The following PPM1H variants were observed in gnomAD, a reference collection of about 807,000 sequenced individuals.
PPM1H encodes protein phosphatase, Mg2+/Mn2+ dependent 1H, also known as protein phosphatase 1H.
PPM1H carries 27 observed loss-of-function variants against 54.9 expected under a neutral mutation model. The ratio of observed to expected loss-of-function variants is 0.49; its 90% CI spans 0.36 to 0.68. The LOEUF (loss-of-function observed/expected upper bound fraction) is 0.68, where lower values mean the gene tolerates loss of function less well. Among genes scored for constraint, PPM1H ranks in the 30% least tolerant of loss-of-function variants. PPM1H has a pLI of 0.00. For missense variants in PPM1H, 596 were observed against 667.8 expected (o/e 0.89, Z 1.19); for synonymous variants, 305 against 270.8 (o/e 1.13, Z -1.24).
At position 62,725,581 on chromosome 12, in the gene PPM1H, A is replaced by G. The variant is rs1344678345; in HGVS notation, c.955-5292T>C. Among the ~76,000 whole-genome samples the G allele has an allele frequency of 3.3e-5, 5 of 152,200 alleles. No individual in the cohort carries two copies. The South Asian group carries it at 1.0e-3, about 31-fold the overall frequency. ...CAAACTTAAGCATAAAAATATACAA[A>G]GTTTACCTATTTCTTTAGGTCTTCA... On this transcript the variant is annotated intron_variant, in intron 5 of 9. Transcript: ENST00000228705.
In PPM1H at chr12:62,797,872, A is replaced by G. The variant is rs551563034; in HGVS notation, c.756+3944T>C. 1.2e-4 allele frequency among the ~76,000 whole-genome samples: 18 copies of G among 152,346 alleles called. No individual in the cohort carries two copies. The South Asian group carries it at 3.7e-3, about 32-fold the overall frequency. ...GCATCTGTGATTAAACAGAAGACTT[A>G]TCATTCCAAAGAAGGTCACATCTGA... On this transcript the variant is annotated intron_variant, in intron 3 of 9. Transcript: ENST00000228705.
chr12:62,699,313 C>T (rs1407544608), intron 6 of PPM1H, among the ~76,000 whole-genome samples: 1 of 152,234 alleles, frequency 6.6e-6, no homozygotes, highest in African/African-American at 2.4e-5. Context: ...TCTCCTGCCT[C>T]AGCATCCCGA....
intron 3 of PPM1H, among the ~76,000 whole-genome samples, chr12:62,798,757 A>T (rs1209671192): frequency 1.3e-5 from 2 of 152,110 alleles, no homozygotes; most frequent in South Asian, 4.1e-4. Context: ...ATGGTGGCTT[A>T]CTGGCTTTGG....
rs934649947 is a variant in PPM1H, at chr12:62,934,403, G to A, written c.245+89C>T. The A allele has an allele frequency of 2.1e-6, 3 of 1,400,024 alleles. No homozygotes were observed. The highest frequency in any genetic ancestry group is 2.8e-6 in the Non-Finnish European group (3 of 1,075,394). 86.7% of individuals were successfully genotyped at this position (1,400,024 alleles called of 1,614,324 possible). On this transcript the variant is annotated intron_variant, in intron 1 of 9. Transcript: ENST00000228705. This position sits in a 1 kb window ranked among gnomAD's most constrained non-coding sequence, Gnocchi z 4.2. Reference sequence around the variant, plus strand: ...CGCCGGCAGCTAGTGAGAGCCCTGAGGCCGAGAAGCAGGGAGAGAAGAGGG... The same window carrying A: ...CGCCGGCAGCTAGTGAGAGCCCTGAAGCCGAGAAGCAGGGAGAGAAGAGGG...
At chr12:62,694,566 A>G (rs1481280690) in intron 6 of PPM1H, among the ~76,000 whole-genome samples, 2 of 152,212 alleles carry the variant, frequency 1.3e-5, no homozygotes, top group Non-Finnish European at 2.9e-5. Flanking sequence ...TTATGCCTCA[A>G]TGGTTTATTC....
Position 62,886,743 on chromosome 12 carries a change from T to G in PPM1H, c.245+47749A>C. On this transcript the variant is annotated intron_variant, in intron 1 of 9. Transcript: ENST00000228705. ...CATCACAGGAATGTCTTTAAATAGT[T>G]GTCACATACAGAATATTTGGGACTT... 1.3e-5 allele frequency among the ~76,000 whole-genome samples: 2 copies of G among 152,240 alleles called. 1 individual carries two copies. The highest frequency in any genetic ancestry group is 1.3e-4 in the Admixed American group (2 of 15,288).
chr12:62,771,010 G>A (rs2076575747), intron 4 of PPM1H, among the ~76,000 whole-genome samples: 1 of 149,354 alleles, frequency 6.7e-6, no homozygotes, highest in African/African-American at 2.5e-5. Flanking sequence ...TAGTGACCTT[G>A]ACTTCACAGC....
At chr12:62,817,151 C>CAA (rs1565797674) in intron 2 of PPM1H, among the ~76,000 whole-genome samples, 8 of 58,922 alleles carry the variant, frequency 1.4e-4, no homozygotes, top group Admixed American at 1.7e-4. Context: ...AAAAAAAAAA[C>CAA]TAAAAAAAAG....
intron 1 of PPM1H, among the ~76,000 whole-genome samples, chr12:62,914,901 A>G (rs544440990): frequency 2.0e-5 from 3 of 152,260 alleles, no homozygotes; most frequent in South Asian, 4.1e-4. Flanking sequence ...TAGCTTTACT[A>G]TCTAGAAAGC....
chr12:62,734,862 G>A (rs2076342261), intron 5 of PPM1H, among the ~76,000 whole-genome samples: 1 of 152,062 alleles, frequency 6.6e-6, no homozygotes, highest in South Asian at 2.1e-4. Flanking sequence ...TGGCAAGACA[G>A]TGAGACCCCC....
intron 1 of PPM1H, among the ~76,000 whole-genome samples, chr12:62,882,338 G>A (rs1870426597): frequency 6.6e-6 from 1 of 152,260 alleles, no homozygotes; most frequent in South Asian, 2.1e-4. Context: ...TATCCTGTGT[G>A]GTGAGAGGTA....
chr12:62,655,208 C>A (rs2075837528), intron 9 of PPM1H, among the ~76,000 whole-genome samples: 2 of 152,206 alleles, frequency 1.3e-5, no homozygotes, highest in African/African-American at 2.4e-5. Flanking sequence ...GGGGACTCAG[C>A]TCTTGGGAGA....
chr12:62,904,901 A>G (rs1198117316), intron 1 of PPM1H, among the ~76,000 whole-genome samples: 5 of 151,866 alleles, frequency 3.3e-5, no homozygotes, highest in African/African-American at 1.2e-4. Context: ...TTTTTTTTTC[A>G]GCTCTGACCT....
chr12:62,743,582 G>C (rs1469520864), intron 4 of PPM1H, among the ~76,000 whole-genome samples: 2 of 151,964 alleles, frequency 1.3e-5, no homozygotes, highest in African/African-American at 4.8e-5. Context: ...AAACAGGATG[G>C]TCACTTCGAA....
intron 8 of PPM1H, among the ~76,000 whole-genome samples, chr12:62,676,511 T>G (rs2075987242): frequency 6.6e-6 from 1 of 152,146 alleles, no homozygotes; most frequent in Non-Finnish European, 1.5e-5. Flanking sequence ...TTGGGTGTCT[T>G]GGAAGTCCCC....
chr12:62,895,752 C>T (rs763528671), intron 1 of PPM1H, among the ~76,000 whole-genome samples: 1 of 152,136 alleles, frequency 6.6e-6, no homozygotes, highest in Non-Finnish European at 1.5e-5. Flanking sequence ...CTTCCTCTCA[C>T]GCCATCTGAT....
chr12:62,772,091 T>G (rs1171660330), intron 4 of PPM1H, among the ~76,000 whole-genome samples: 1 of 152,190 alleles, frequency 6.6e-6, no homozygotes, highest in Non-Finnish European at 1.5e-5. Context: ...GCCATTTGAC[T>G]CCAAACCCTA....
intron 1 of PPM1H, among the ~76,000 whole-genome samples, chr12:62,930,171 C>G (rs1872089596): frequency 6.6e-6 from 1 of 152,156 alleles, no homozygotes. Flanking sequence ...GAGTCCAAAA[C>G]AAATCCAAAT....
intron 1 of PPM1H, among the ~76,000 whole-genome samples, chr12:62,920,070 C>T (rs1871745468): frequency 6.6e-6 from 1 of 152,202 alleles, no homozygotes; most frequent in African/African-American, 2.4e-5. Flanking sequence ...CTGGTTCTAA[C>T]AACAGAGCAG....
Sources: gnomAD v4.1 joint callset for allele counts (sites outside exome capture counted in the v4.1 genomes callset) on GRCh38, gnomAD v4.1.1 for gene constraint, Gnocchi (gnomAD v3.1) non-coding constraint, MANE v1.5 for transcripts, NCBI Gene and HGNC (gene_info 2026-07-23, HGNC 2026-07-21) for gene names.